Variants in FSTL5 observed in about 807,000 individuals in gnomAD.
The protein encoded by FSTL5 is follistatin-related protein 5.
FSTL5 carries 62 observed loss-of-function variants against 89.1 expected under a neutral mutation model. The ratio of observed to expected loss-of-function variants is 0.70; its 90% CI spans 0.57 to 0.86. FSTL5 has a LOEUF of 0.86. Ranked by LOEUF, FSTL5 falls within the 40% of genes least tolerant of loss-of-function variation. FSTL5 has a pLI of 0.00. For synonymous variants in FSTL5, 383 were observed against 346.2 expected, an observed-to-expected ratio of 1.11 and a Z score of -1.18; for missense variants, 1,057 against 1,001.6, an observed-to-expected ratio of 1.06 and a Z score of -0.75.
intron 3 of FSTL5, among the ~76,000 whole-genome samples, chr4:162,000,633 A>T (rs1736437792): frequency 6.6e-6 from 1 of 151,856 alleles, no homozygotes; most frequent in Non-Finnish European, 1.5e-5. Flanking sequence ...CAACAACAAA[A>T]TATATATACA....
intron 6 of FSTL5, 58 bp from the exon 7 acceptor site, chr4:161,656,552 T>C (rs1277401148): frequency 8.7e-7 from 1 of 1,154,264 alleles, no homozygotes; most frequent in Non-Finnish European, 1.1e-6. Flanking sequence ...AGGCTAATAG[T>C]ATAAAATTTC....
chr4:161,873,579 TA>T (rs1210149634), intron 4 of FSTL5, among the ~76,000 whole-genome samples: 1 of 143,302 alleles, frequency 7.0e-6, no homozygotes, highest in Non-Finnish European at 1.5e-5. Flanking sequence ...ATTTTTCCCA[TA>T]ATAAAAGATA....
At chr4:161,445,421 A>G (rs1003683146) in intron 15 of FSTL5, among the ~76,000 whole-genome samples, 5 of 151,920 alleles carry the variant, frequency 3.3e-5, no homozygotes, top group Non-Finnish European at 7.4e-5. Context: ...AAAATAAAAA[A>G]TGAATTTTTT....
intron 2 of FSTL5, among the ~76,000 whole-genome samples, chr4:162,093,803 G>T (rs1017129601): frequency 6.6e-6 from 1 of 152,040 alleles, no homozygotes; most frequent in South Asian, 2.1e-4. Flanking sequence ...TTCTAAATTA[G>T]ATATTACATA....
chr4:161,950,971 G>C (rs1160326793), intron 3 of FSTL5, among the ~76,000 whole-genome samples: 1 of 151,960 alleles, frequency 6.6e-6, no homozygotes, highest in East Asian at 1.9e-4. Context: ...ATCTCATCTT[G>C]AATTGTAGCT....
At chr4:161,759,882 GCCT>G (rs1740723179) in intron 5 of FSTL5, among the ~76,000 whole-genome samples, 1 of 151,680 alleles carries the variant, frequency 6.6e-6, no homozygotes, top group Non-Finnish European at 1.5e-5. Flanking sequence ...CATGAAAATT[GCCT>G]CCTGTGTCTC....
intron 4 of FSTL5, among the ~76,000 whole-genome samples, chr4:161,888,287 T>G (rs1242467408): frequency 6.6e-6 from 1 of 152,112 alleles, no homozygotes; most frequent in Non-Finnish European, 1.5e-5. Flanking sequence ...AGGAGTGATC[T>G]TCATTTCCCT....
At chr4:161,871,422 A>G (rs915307826) in intron 4 of FSTL5, among the ~76,000 whole-genome samples, 18 of 152,088 alleles carry the variant, frequency 1.2e-4, no homozygotes, top group African/African-American at 4.3e-4. Context: ...ACATTTTTAT[A>G]TGTCATGTAT....
chr4:161,561,644 G>C (rs1285687347), intron 8 of FSTL5, among the ~76,000 whole-genome samples: 1 of 151,022 alleles, frequency 6.6e-6, no homozygotes, highest in Admixed American at 6.6e-5. Flanking sequence ...ATAATAACAA[G>C]GCAAAAAAAA....
intron 7 of FSTL5, among the ~76,000 whole-genome samples, chr4:161,644,100 CT>C (rs1736057236): frequency 6.7e-6 from 1 of 148,386 alleles, no homozygotes; most frequent in African/African-American, 2.5e-5. Context: ...TGATGAGGAA[CT>C]TTAAAAAAAA....
intron 15 of FSTL5, among the ~76,000 whole-genome samples, chr4:161,396,815 A>G (rs1261566477): frequency 6.6e-6 from 1 of 152,116 alleles, no homozygotes; most frequent in Non-Finnish European, 1.5e-5. Context: ...TACTTTAAAC[A>G]TGAGAGTTGT....
chr4:161,705,946 A>ATG (rs747996918), intron 6 of FSTL5, among the ~76,000 whole-genome samples: 2 of 45,026 alleles, frequency 4.4e-5, no homozygotes, highest in African/African-American at 1.3e-4. Context: ...GTGTGTGTAG[A>ATG]TGTGTGTATA....
intron 1 of FSTL5, among the ~76,000 whole-genome samples, chr4:162,148,035 A>T (rs1485380216): frequency 6.6e-6 from 1 of 152,166 alleles, no homozygotes; most frequent in Non-Finnish European, 1.5e-5. Context: ...TGAAATACGA[A>T]GATTACTCAG....
chr4:161,669,126 A>T (rs1417252732), intron 6 of FSTL5, among the ~76,000 whole-genome samples: 3 of 144,418 alleles, frequency 2.1e-5, no homozygotes, highest in African/African-American at 7.5e-5. Flanking sequence ...AAAAAAAAAA[A>T]ATAAAATAAA....
At position 161,791,576 on chromosome 4, in the gene FSTL5, A is replaced by G. The variant is rs1020646761; in HGVS notation, c.410-15502T>C. Among the ~76,000 whole-genome samples the G allele has an allele frequency of 1.2e-3, 178 of 152,194 alleles. 1 individual carries two copies. The highest frequency in any genetic ancestry group is 4.2e-3 in the African/African-American group (173 of 41,444). On this transcript the variant is annotated intron_variant, in intron 4 of 15. Coordinates refer to ENST00000306100, the MANE Select transcript of FSTL5 (RefSeq NM_020116.5). Reference sequence around the variant, plus strand: ...CAGTGGGCATGGCTGTGTTCCAATAATATGTTATTTACAATAGCACGCCGT... The same window carrying G: ...CAGTGGGCATGGCTGTGTTCCAATAGTATGTTATTTACAATAGCACGCCGT...
At chr4:162,037,169 T>A (rs920694950) in intron 2 of FSTL5, among the ~76,000 whole-genome samples, 5 of 151,704 alleles carry the variant, frequency 3.3e-5, no homozygotes, top group African/African-American at 1.2e-4. Context: ...TTGTATATGG[T>A]TATTGAAAGG....
chr4:161,884,988 T>A (rs929403422), intron 4 of FSTL5, among the ~76,000 whole-genome samples: 15 of 152,008 alleles, frequency 9.9e-5, no homozygotes, highest in Non-Finnish European at 2.2e-4. Context: ...CAGAAAACCA[T>A]CAGAGCGAAG....
At chr4:161,480,592 T>A (rs763818023) in intron 13 of FSTL5, among the ~76,000 whole-genome samples, 2 of 152,202 alleles carry the variant, frequency 1.3e-5, no homozygotes, top group Non-Finnish European at 2.9e-5. Context: ...TTCTACTAGG[T>A]TACTGTCATC....
intron 15 of FSTL5, among the ~76,000 whole-genome samples, chr4:161,414,685 C>T (rs1391967295): frequency 1.3e-5 from 2 of 152,102 alleles, no homozygotes; most frequent in African/African-American, 4.8e-5. Flanking sequence ...AATCAGCAAT[C>T]CCAAAAGCAA....
Sources: gnomAD v4.1 joint callset for allele counts (sites outside exome capture counted in the v4.1 genomes callset) on GRCh38, gnomAD v4.1.1 for gene constraint, MANE v1.5 for transcripts, NCBI Gene and HGNC (gene_info 2026-07-23, HGNC 2026-07-21) for gene names.